SAMMSON: variants seen among roughly 807,000 people sequenced by gnomAD.
SAMMSON encodes survival associated mitochondrial melanoma specific oncogenic non-coding RNA, also known as long intergenic non-protein coding RNA 1212.
At chr3:70,289,779 A>C (rs1363197845) in intron 6 of SAMMSON, among the ~76,000 whole-genome samples, 2 of 151,882 alleles carry the variant, frequency 1.3e-5, no homozygotes, top group African/African-American at 4.8e-5. Flanking sequence ...TTTTTTCTCT[A>C]AACTTTCCTT....
chr3:70,288,154 G>T (rs1244441132), intron 6 of SAMMSON, among the ~76,000 whole-genome samples: 5 of 143,704 alleles, frequency 3.5e-5, no homozygotes, highest in East Asian at 2.0e-4. Context: ...TGATGTTAGG[G>T]TGTCAATTTT....
intron 4 of SAMMSON, among the ~76,000 whole-genome samples, chr3:70,167,253 T>C (rs1029845847): frequency 5.3e-5 from 8 of 151,988 alleles, no homozygotes; most frequent in African/African-American, 1.7e-4. Flanking sequence ...TAAACTATAG[T>C]TGGCTAATAA....
intron 3 of SAMMSON, among the ~76,000 whole-genome samples, chr3:70,048,831 A>C (rs1295455287): frequency 6.6e-6 from 1 of 152,070 alleles, no homozygotes; most frequent in Non-Finnish European, 1.5e-5. Flanking sequence ...GAAATTTGAG[A>C]GAAGACGGTT....
At chr3:70,099,544 T>A (rs767005083) in intron 4 of SAMMSON, among the ~76,000 whole-genome samples, 6 of 152,242 alleles carry the variant, frequency 3.9e-5, no homozygotes, top group Admixed American at 2.0e-4. Context: ...GTTTTTCAAC[T>A]GGATGGTCTT....
At chr3:70,247,025 A>G (rs1263694151) in intron 4 of SAMMSON, among the ~76,000 whole-genome samples, 2 of 152,010 alleles carry the variant, frequency 1.3e-5, no homozygotes, top group African/African-American at 4.8e-5. Context: ...ATCTGTTTCC[A>G]TGACTACCAC....
At chr3:70,380,045 A>C (rs1006023919) in intron 9 of SAMMSON, among the ~76,000 whole-genome samples, 1 of 152,128 alleles carries the variant, frequency 6.6e-6, no homozygotes, top group Non-Finnish European at 1.5e-5. Flanking sequence ...CAAAATGAAA[A>C]ATGAAGCCCT....
At chr3:70,188,618 G>T (rs1701108847) in intron 4 of SAMMSON, among the ~76,000 whole-genome samples, 1 of 152,234 alleles carries the variant, frequency 6.6e-6, no homozygotes, top group African/African-American at 2.4e-5. Flanking sequence ...CATCTCTCAT[G>T]TGTTACGGAA....
At chr3:70,228,958 C>T (rs1701534140) in intron 4 of SAMMSON, among the ~76,000 whole-genome samples, 1 of 151,988 alleles carries the variant, frequency 6.6e-6, no homozygotes, top group Admixed American at 6.6e-5. Context: ...AGAGCAGAGT[C>T]CAGTGAAGAA....
intron 1 of SAMMSON, among the ~76,000 whole-genome samples, chr3:70,000,903 T>C (rs937315005): frequency 6.6e-6 from 1 of 152,216 alleles, no homozygotes; most frequent in African/African-American, 2.4e-5. Context: ...AGCCCCAGCG[T>C]GATGACCAAA....
intron 4 of SAMMSON, among the ~76,000 whole-genome samples, chr3:70,187,676 T>C (rs6797799): frequency 0.028 from 4,208 of 151,934 alleles, 175 homozygotes; most frequent in African/African-American, 0.095. Context: ...GACCTCGTGA[T>C]CCGCCCGTCT....
intron 6 of SAMMSON, among the ~76,000 whole-genome samples, chr3:70,265,116 C>G (rs1575610110): frequency 1.3e-5 from 2 of 152,170 alleles, no homozygotes; most frequent in Admixed American, 6.5e-5. Flanking sequence ...CACTGGGTCC[C>G]TCCCATGACA....
intron 1 of SAMMSON, among the ~76,000 whole-genome samples, chr3:70,000,876 A>C (rs1476711393): frequency 6.6e-6 from 1 of 152,170 alleles, no homozygotes; most frequent in East Asian, 1.9e-4. Context: ...TATCAGTGCA[A>C]ACCTCTAAAG....
intron 4 of SAMMSON, among the ~76,000 whole-genome samples, chr3:70,145,209 G>A (rs1045079987): frequency 6.6e-6 from 1 of 152,040 alleles, no homozygotes; most frequent in African/African-American, 2.4e-5. Flanking sequence ...AATTCCTGAA[G>A]CAAAAACTGA....
At chr3:70,239,163 G>T (rs1432410636) in intron 4 of SAMMSON, among the ~76,000 whole-genome samples, 5 of 152,166 alleles carry the variant, frequency 3.3e-5, no homozygotes, top group Non-Finnish European at 7.4e-5. Flanking sequence ...AGTGAAAAGT[G>T]GGGCTAGGAA....
intron 4 of SAMMSON, chr3:70,124,971 T>G (rs143509982): frequency 1.6e-6 from 1 of 633,658 alleles, no homozygotes; most frequent in African/African-American, 1.8e-5. Flanking sequence ...AAAGCTGTTA[T>G]GCACAGTTCC....
chr3:70,338,913 C>T (rs959863341), intron 7 of SAMMSON, among the ~76,000 whole-genome samples: 2 of 151,992 alleles, frequency 1.3e-5, no homozygotes, highest in African/African-American at 4.8e-5. Flanking sequence ...TTAAAGTTCA[C>T]ATGGAACCAA....
chr3:70,014,176 G>C (rs1576095933), intron 3 of SAMMSON: 1 of 152,278 alleles, frequency 6.6e-6, no homozygotes, highest in African/African-American at 2.4e-5. Flanking sequence ...CCAAAGCGGA[G>C]AGAGAACTTC....
At chr3:70,424,045 A>T (rs1340154763) in intron 2 of SAMMSON, among the ~76,000 whole-genome samples, 1 of 152,176 alleles carries the variant, frequency 6.6e-6, no homozygotes, top group Non-Finnish European at 1.5e-5. Context: ...ATAATGAAGC[A>T]AATTAATTTT....
At chr3:70,118,088 T>C (rs2067418626) in intron 4 of SAMMSON, among the ~76,000 whole-genome samples, 1 of 151,844 alleles carries the variant, frequency 6.6e-6, no homozygotes, top group Non-Finnish European at 1.5e-5. Context: ...CCGGCTAATT[T>C]TGTTTTTTAT....
Sources: allele counts gnomAD v4.1 joint callset (sites outside exome capture counted in the v4.1 genomes callset), GRCh38; gene constraint gnomAD v4.1.1; transcripts MANE v1.5; gene names NCBI Gene and HGNC (gene_info 2026-07-23, HGNC 2026-07-21).